Variants in GRIK1 observed in about 807,000 individuals in gnomAD.
GRIK1 encodes the protein glutamate receptor ionotropic, kainate 1.
GRIK1 carries 69 observed loss-of-function variants against 105.7 expected under a neutral mutation model. The ratio of observed to expected loss-of-function variants is 0.65; its 90% CI spans 0.54 to 0.80. The LOEUF is 0.80. Among genes scored for constraint, GRIK1 ranks in the 30% least tolerant of loss-of-function variants. The pLI is 0.00. For synonymous variants in GRIK1, 438 were observed against 431.3 expected, an observed-to-expected ratio of 1.02 and a Z score of -0.19; for missense variants, 1,109 against 1,167.3, an observed-to-expected ratio of 0.95 and a Z score of 0.73.
At chr21:29,558,018 T>C (rs2146140984) in intron 15 of GRIK1, among the ~76,000 whole-genome samples, 1 of 152,306 alleles carries the variant, frequency 6.6e-6, no homozygotes, top group East Asian at 1.9e-4. Context: ...TTAAAGTTGG[T>C]CTCTGAGAAA....
intron 1 of GRIK1, among the ~76,000 whole-genome samples, chr21:29,756,306 G>A (rs1031143544): frequency 9.2e-5 from 14 of 152,152 alleles, no homozygotes; most frequent in African/African-American, 2.9e-4. Context: ...GCGTGAACCG[G>A]GGAGGCAGAG....
intron 7 of GRIK1, among the ~76,000 whole-genome samples, chr21:29,606,702 A>C (rs1253664704): frequency 2.0e-5 from 3 of 152,116 alleles, no homozygotes; most frequent in Non-Finnish European, 4.4e-5. Flanking sequence ...AAACAAAAAA[A>C]ACAAAAAAAC....
chr21:29,924,652 C>T (rs2071298973), intron 1 of GRIK1, among the ~76,000 whole-genome samples: 1 of 152,210 alleles, frequency 6.6e-6, no homozygotes, highest in African/African-American at 2.4e-5. Flanking sequence ...TTTATTCTCC[C>T]CCGACCTTTT....
At chr21:29,805,661 G>C (rs1255133863) in intron 1 of GRIK1, among the ~76,000 whole-genome samples, 2 of 152,098 alleles carry the variant, frequency 1.3e-5, no homozygotes, top group African/African-American at 2.4e-5. Context: ...TTGTGTGTTG[G>C]TTAGTGTATA....
At chr21:29,822,190 A>G (rs2067324056) in intron 1 of GRIK1, among the ~76,000 whole-genome samples, 1 of 152,054 alleles carries the variant, frequency 6.6e-6, no homozygotes. Flanking sequence ...TCACTAATGC[A>G]ACCATTCCAC....
At chr21:29,758,806 T>C (rs1345327761) in intron 1 of GRIK1, 1 of 152,714 alleles carries the variant, frequency 6.5e-6, no homozygotes, top group Admixed American at 6.5e-5. Context: ...TAATGGACCC[T>C]CTTCTAGTCC....
chr21:29,925,990 G>T (rs370133150), intron 1 of GRIK1, among the ~76,000 whole-genome samples: 1 of 151,754 alleles, frequency 6.6e-6, no homozygotes, highest in East Asian at 1.9e-4. Flanking sequence ...TATACCACTC[G>T]TTTGTAAATG....
intron 4 of GRIK1, among the ~76,000 whole-genome samples, chr21:29,655,374 C>T (rs1262676686): frequency 6.6e-6 from 1 of 151,954 alleles, no homozygotes; most frequent in East Asian, 1.9e-4. Context: ...TACCATTGCA[C>T]TCCAGCCTGG....
intron 1 of GRIK1, among the ~76,000 whole-genome samples, chr21:29,904,572 C>G (rs573802862): frequency 6.6e-6 from 1 of 152,172 alleles, no homozygotes; most frequent in Non-Finnish European, 1.5e-5. Flanking sequence ...ATGACTCACG[C>G]TTCTCAGACC....
chr21:29,914,837 G>T (rs2146304750), intron 1 of GRIK1, among the ~76,000 whole-genome samples: 1 of 152,144 alleles, frequency 6.6e-6, no homozygotes, highest in South Asian at 2.1e-4. Context: ...ATAAGCCCTT[G>T]TGGCTGTAAG....
At chr21:29,634,194 C>A (rs2062346983) in intron 7 of GRIK1, among the ~76,000 whole-genome samples, 1 of 152,120 alleles carries the variant, frequency 6.6e-6, no homozygotes, top group East Asian at 1.9e-4. Flanking sequence ...AGGTAGGTGC[C>A]TAAATGAATA....
chr21:29,616,413 A>G (rs796696248), intron 7 of GRIK1, among the ~76,000 whole-genome samples: 5 of 152,344 alleles, frequency 3.3e-5, no homozygotes, highest in African/African-American at 1.2e-4. Context: ...TCATTTACTT[A>G]CAACTTCTTA....
At chr21:29,625,992 G>T (rs1490639186) in intron 7 of GRIK1, among the ~76,000 whole-genome samples, 1 of 152,120 alleles carries the variant, frequency 6.6e-6, no homozygotes, top group Admixed American at 6.5e-5. Context: ...TGGAGACAGG[G>T]CCTTTATAGA....
chr21:29,724,920 C>T (rs574810641), intron 1 of GRIK1, among the ~76,000 whole-genome samples: 94 of 150,656 alleles, frequency 6.2e-4, no homozygotes, highest in Non-Finnish European at 1.3e-3. Context: ...GACACTCAGT[C>T]GTGCTTAATT....
chr21:29,882,205 T>C (rs1170287784), intron 1 of GRIK1, among the ~76,000 whole-genome samples: 1 of 152,102 alleles, frequency 6.6e-6, no homozygotes, highest in Non-Finnish European at 1.5e-5. Context: ...GTTTGGAAAA[T>C]GAGTTTTGTG....
chr21:29,543,429 T>G (rs1386387591), intron 16 of GRIK1, among the ~76,000 whole-genome samples: 1 of 152,154 alleles, frequency 6.6e-6, no homozygotes, highest in African/African-American at 2.4e-5. Context: ...CTCTCACTAA[T>G]TATGTGAAGG....
intron 4 of GRIK1, among the ~76,000 whole-genome samples, chr21:29,656,385 AAAAAG>A: frequency 6.9e-6 from 1 of 144,016 alleles, no homozygotes; most frequent in African/African-American, 2.6e-5. Context: ...AAAAAAAAAA[AAAAAG>A]AAATGAAGAG....
At chr21:29,774,315 G>C (rs1050154971) in intron 1 of GRIK1, among the ~76,000 whole-genome samples, 1 of 151,994 alleles carries the variant, frequency 6.6e-6, no homozygotes, top group African/African-American at 2.4e-5. Flanking sequence ...CAGACTGTTA[G>C]GAAAGTAGAA....
intron 1 of GRIK1, among the ~76,000 whole-genome samples, chr21:29,806,590 A>G (rs1468288273): frequency 6.6e-6 from 1 of 152,154 alleles, no homozygotes. Context: ...TATCATCCAT[A>G]TTGATCAATC....
Sources: allele counts gnomAD v4.1 joint callset (sites outside exome capture counted in the v4.1 genomes callset), GRCh38; gene constraint gnomAD v4.1.1; transcripts MANE v1.5; gene names NCBI Gene and HGNC (gene_info 2026-07-23, HGNC 2026-07-21).